The following PIEZO2 variants were observed in gnomAD, a reference collection of about 807,000 sequenced individuals.
The protein encoded by PIEZO2 is piezo type mechanosensitive ion channel component 2, also known as piezo-type mechanosensitive ion channel component 2.
PIEZO2 carries 172 observed loss-of-function variants against 337.3 expected under a neutral mutation model. The ratio of observed to expected loss-of-function variants is 0.51; its 90% CI spans 0.45 to 0.58. PIEZO2 has a LOEUF of 0.58. Ranked by LOEUF, PIEZO2 falls within the 20% of genes least tolerant of loss-of-function variation. The pLI, the probability that PIEZO2 is intolerant of heterozygous loss-of-function variation, is 0.00. For missense variants in PIEZO2, 3,028 were observed against 3,391.3 expected (o/e 0.89, Z 2.66); for synonymous variants, 1,251 against 1,228.5 (o/e 1.02, Z -0.38).
intron 1 of PIEZO2, among the ~76,000 whole-genome samples, chr18:11,106,435 T>TC (rs1316829497): frequency 4.0e-5 from 6 of 149,142 alleles, no homozygotes; most frequent in Non-Finnish European, 7.4e-5. Context: ...TTTTTTTTTT[T>TC]CTGAGACAGG....
intron 3 of PIEZO2, among the ~76,000 whole-genome samples, chr18:10,915,308 CTG>C (rs2030845774): frequency 7.1e-6 from 1 of 140,134 alleles, no homozygotes; most frequent in African/African-American, 2.7e-5. Context: ...CCATCTGCCT[CTG>C]TGCACTCCAT....
At chr18:10,930,892 T>C (rs1416148921) in intron 3 of PIEZO2, among the ~76,000 whole-genome samples, 1 of 152,228 alleles carries the variant, frequency 6.6e-6, no homozygotes, top group African/African-American at 2.4e-5. Flanking sequence ...TAACCTCCTA[T>C]TGTTTGTCTA....
rs2034298096 is a variant in PIEZO2, at chr18:10,682,242, G to A, written c.7548C>T (p.Gly2516=). Residue 2516 remains glycine, a synonymous_variant, in exon 50 of 56, where the codon GGC becomes GGT. Coordinates refer to ENST00000674853, the MANE Select transcript of PIEZO2 (RefSeq NM_001378183.1). This position sits in a 1 kb window ranked among gnomAD's most constrained non-coding sequence, Gnocchi z 5.6. The part of the protein sequence containing the change: ...GQKKKKVVKY[G]MGGMIIVLLI... ...GCAGGACGATGATCATTCCTCCCAT[G>A]CCATACTTCACCACTTTCTTCTTCT... The A allele has an allele frequency of 1.3e-6, 2 of 1,537,082 alleles. No individual in the cohort carries two copies. The highest frequency in any genetic ancestry group is 2.7e-5 in the African/African-American group (2 of 73,046).
chr18:10,726,515 T>C lies in PIEZO2; in HGVS notation c.5029+4892A>G, dbSNP rs1227614338. The stretch of plus-strand genomic sequence containing the variant: ...GCTGCTCCGCAAGCAGCCGTTCCTG[T>C]GGCGCGCTGCGCTGCTCTGCTCTGC... On this transcript the variant is annotated intron_variant, in intron 36 of 55. Coordinates refer to ENST00000674853, the MANE Select transcript of PIEZO2 (RefSeq NM_001378183.1). The surrounding 1 kb of genome is among the most constrained non-coding windows in gnomAD (Gnocchi z 5.9). 2.8e-5 allele frequency: 42 copies of C among 1,483,404 alleles called. No individual in the cohort carries two copies. In the South Asian group the frequency reaches 3.7e-4, roughly 13 times the overall value. The allele number at this position is 1,483,404 out of a possible 1,614,324, so 91.9% of individuals were successfully genotyped here. A position where few individuals can be genotyped will look rare whatever the true frequency, so the allele number is the denominator to read the frequency against.
At chr18:11,055,895 C>A (rs1237270286) in intron 2 of PIEZO2, among the ~76,000 whole-genome samples, 3 of 152,198 alleles carry the variant, frequency 2.0e-5, no homozygotes, top group African/African-American at 7.2e-5. Context: ...CAAGGTCCCA[C>A]CACCTCTATG....
Position 10,821,684 on chromosome 18 carries a change from A to G in PIEZO2, c.918-14410T>C, listed in dbSNP as rs1176687306. 6.6e-6 allele frequency among the ~76,000 whole-genome samples: 1 copy of G among 151,824 alleles called. No homozygotes were observed. The highest frequency in any genetic ancestry group is 2.4e-5 in the African/African-American group (1 of 41,304). Reference sequence around the variant, plus strand: ...TCAAGTATCACCCCCACCCACCACCACCTTTTTCATCAAAGATTCTACCCA... The same window carrying G: ...TCAAGTATCACCCCCACCCACCACCGCCTTTTTCATCAAAGATTCTACCCA... On this transcript the variant is annotated intron_variant, in intron 7 of 55. Transcript: ENST00000674853. This position sits in a 1 kb window ranked among gnomAD's most constrained non-coding sequence, Gnocchi z 4.2.
chr18:11,077,924 A>G lies in PIEZO2; in HGVS notation c.65-11702T>C, dbSNP rs888706055. Among the ~76,000 whole-genome samples the G allele has an allele frequency of 1.5e-4, 23 of 151,870 alleles. No individual in the cohort carries two copies. The highest frequency in any genetic ancestry group is 1.2e-3 in the Admixed American group (19 of 15,220). ...ATCTTATTCAGTCCCCTGACATTCA[A>G]ATGCCAAATGCTCATCCCTAAGCAA... On this transcript the variant is annotated intron_variant, in intron 1 of 55. Transcript: ENST00000674853. This position sits in a 1 kb window ranked among gnomAD's most constrained non-coding sequence, Gnocchi z 4.8.
At chr18:10,881,952 A>T (rs1274063878) in intron 4 of PIEZO2, among the ~76,000 whole-genome samples, 5 of 152,022 alleles carry the variant, frequency 3.3e-5, no homozygotes, top group Middle Eastern at 6.3e-3. Flanking sequence ...CAGGCTCCTC[A>T]TCATCCCAGG....
intron 15 of PIEZO2, 126 bp downstream of exon 15, chr18:10,788,953 G>A (rs1038252838): frequency 8.9e-7 from 1 of 1,121,136 alleles, no homozygotes; most frequent in Non-Finnish European, 1.2e-6. Context: ...GGGATACGAT[G>A]TTTGAATCTT....
chr18:10,851,982 C>CA (rs1166750866), intron 7 of PIEZO2, among the ~76,000 whole-genome samples: 1 of 151,962 alleles, frequency 6.6e-6, no homozygotes, highest in Non-Finnish European at 1.5e-5. Flanking sequence ...AACCAAAAAC[C>CA]AAAAAACTTC....
At position 11,144,817 on chromosome 18, in the gene PIEZO2, G is replaced by A. The variant is rs368529657; in HGVS notation, c.64+3708C>T. On this transcript the variant is annotated intron_variant, in intron 1 of 55. Coordinates refer to ENST00000674853, the MANE Select transcript of PIEZO2 (RefSeq NM_001378183.1). ...GATCTCTAATCCCCTGTTCCCCCAA[G>A]CAAGGCTTCCCCTTTCTTCCCCCTG... Among the ~76,000 whole-genome samples the A allele has an allele frequency of 1.6e-4, 25 of 152,228 alleles. No individual in the cohort carries two copies. In the East Asian group the frequency reaches 3.9e-3, roughly 24 times the overall value.
At chr18:10,918,184 T>G (rs1368815589) in intron 3 of PIEZO2, among the ~76,000 whole-genome samples, 1 of 152,166 alleles carries the variant, frequency 6.6e-6, no homozygotes, top group Non-Finnish European at 1.5e-5. Flanking sequence ...AATGGTGAGA[T>G]CTATAAAATT....
chr18:10,997,062 C>CT (rs1321257366), intron 2 of PIEZO2, among the ~76,000 whole-genome samples: 1 of 152,028 alleles, frequency 6.6e-6, no homozygotes, highest in African/African-American at 2.4e-5. Context: ...CCTCAAAAAG[C>CT]TTTGAGACCT....
chr18:10,690,005 C>A (rs1450714009), intron 48 of PIEZO2, among the ~76,000 whole-genome samples: 2 of 152,164 alleles, frequency 1.3e-5, no homozygotes, highest in African/African-American at 4.8e-5. Flanking sequence ...TTTTTTCATT[C>A]TTTTCCTTTT....
chr18:10,810,057 T>C (rs2144354303), intron 7 of PIEZO2, among the ~76,000 whole-genome samples: 1 of 152,354 alleles, frequency 6.6e-6, no homozygotes, highest in South Asian at 2.1e-4. Context: ...TTATCTTTGA[T>C]CCTAGGCCCG....
In PIEZO2 at chr18:11,044,492, A is replaced by G. The variant is rs115463354; in HGVS notation, c.160+21635T>C. Among the ~76,000 whole-genome samples the G allele has an allele frequency of 9.2e-3, 1,399 of 152,262 alleles. 24 individuals carry two copies. The highest frequency in any genetic ancestry group is 0.032 in the African/African-American group (1,310 of 41,526). ...TAATTGTGAATCAAATACAGAGAAT[A>G]CTTCACTAAAGAGGAAGCTGTAGCC... On this transcript the variant is annotated intron_variant, in intron 2 of 55. Transcript: ENST00000674853.
intron 29 of PIEZO2, among the ~76,000 whole-genome samples, chr18:10,749,019 G>A (rs2037538455): frequency 6.6e-6 from 1 of 152,012 alleles, no homozygotes; most frequent in African/African-American, 2.4e-5. Flanking sequence ...CTATACCCAG[G>A]GGTAACCAGC....
intron 26 of PIEZO2, among the ~76,000 whole-genome samples, chr18:10,758,531 C>T (rs1290048182): frequency 6.6e-6 from 1 of 152,060 alleles, no homozygotes; most frequent in East Asian, 1.9e-4. Context: ...CTGCAAGCCC[C>T]ACCTCCTGGG....
At chr18:10,831,640 G>A (rs1237318566) in intron 7 of PIEZO2, among the ~76,000 whole-genome samples, 1 of 152,098 alleles carries the variant, frequency 6.6e-6, no homozygotes, top group Non-Finnish European at 1.5e-5. Context: ...ATAACTACAA[G>A]AGTAGAACTG....
Sources: gnomAD v4.1 joint callset for allele counts (sites outside exome capture counted in the v4.1 genomes callset) on GRCh38, gnomAD v4.1.1 for gene constraint, Gnocchi (gnomAD v3.1) non-coding constraint, MANE v1.5 for transcripts, NCBI Gene and HGNC (gene_info 2026-07-23, HGNC 2026-07-21) for gene names.